The following CNTNAP5 variants were observed in gnomAD, a reference collection of about 807,000 sequenced individuals.
CNTNAP5 encodes the protein contactin-associated protein-like 5.
In CNTNAP5, 72 loss-of-function variants were observed where a neutral mutation model predicts 150.2. That is an observed-to-expected ratio of 0.48 (90% CI 0.40 to 0.58). The LOEUF is 0.58. Ranked by LOEUF, CNTNAP5 falls within the 20% of genes least tolerant of loss-of-function variation. The pLI is 0.00. For missense variants in CNTNAP5, 1,636 were observed against 1,626.2 expected (o/e 1.01, Z -0.10); for synonymous variants, 672 against 619.8 (o/e 1.08, Z -1.25).
At chr2:124,868,413 A>G (rs1262096210) in intron 20 of CNTNAP5, among the ~76,000 whole-genome samples, 2 of 152,118 alleles carry the variant, frequency 1.3e-5, no homozygotes, top group Non-Finnish European at 2.9e-5. Context: ...CCTTGGACTC[A>G]CTGCTTTGCC....
intron 3 of CNTNAP5, among the ~76,000 whole-genome samples, chr2:124,290,318 A>G (rs560726460): frequency 6.6e-6 from 1 of 152,288 alleles, no homozygotes; most frequent in African/African-American, 2.4e-5. Context: ...GATATAAGTT[A>G]TTACTACAAT....
intron 1 of CNTNAP5, among the ~76,000 whole-genome samples, chr2:124,178,580 G>A (rs10496635): frequency 0.14 from 20,816 of 152,188 alleles, 2,068 homozygotes; most frequent in East Asian, 0.38. Context: ...TAATGCTTTA[G>A]TCTGCTTTTG....
chr2:124,271,224 C>G (rs1404129904), intron 3 of CNTNAP5, among the ~76,000 whole-genome samples: 1 of 151,674 alleles, frequency 6.6e-6, no homozygotes, highest in African/African-American at 2.4e-5. Flanking sequence ...TTTAAATGCA[C>G]AGTCTTGAGA....
chr2:124,659,040 C>T (rs1678518375), intron 13 of CNTNAP5, among the ~76,000 whole-genome samples: 1 of 152,076 alleles, frequency 6.6e-6, no homozygotes, highest in African/African-American at 2.4e-5. Context: ...CGCCATGTGA[C>T]CTTAGATGAG....
At chr2:124,363,218 G>A (rs1488759631) in intron 3 of CNTNAP5, among the ~76,000 whole-genome samples, 11 of 152,028 alleles carry the variant, frequency 7.2e-5, no homozygotes, top group Non-Finnish European at 1.3e-4. Flanking sequence ...GTTACTTCTT[G>A]GACACTTCAT....
chr2:124,775,321 T>C (rs973656360), intron 17 of CNTNAP5, among the ~76,000 whole-genome samples: 2 of 152,218 alleles, frequency 1.3e-5, no homozygotes, highest in Non-Finnish European at 2.9e-5. Context: ...ACAATTGCAT[T>C]CTGTATTATT....
intron 1 of CNTNAP5, among the ~76,000 whole-genome samples, chr2:124,088,977 C>T (rs938255693): frequency 6.6e-5 from 10 of 152,106 alleles, no homozygotes; most frequent in Non-Finnish European, 1.5e-4. Context: ...TTGCTATTTC[C>T]CTGGCCAACT....
At chr2:124,333,919 A>C (rs558795966) in intron 3 of CNTNAP5, among the ~76,000 whole-genome samples, 1 of 152,346 alleles carries the variant, frequency 6.6e-6, no homozygotes, top group Admixed American at 6.5e-5. Context: ...GCTGCCAATT[A>C]TCTTTAAAAT....
intron 1 of CNTNAP5, among the ~76,000 whole-genome samples, chr2:124,197,152 C>T (rs1160193034): frequency 2.0e-5 from 3 of 152,116 alleles, no homozygotes; most frequent in East Asian, 1.9e-4. Flanking sequence ...ATCACAAATA[C>T]ATATCTATAT....
chr2:124,400,683 T>TG (rs1553464884), intron 3 of CNTNAP5, among the ~76,000 whole-genome samples: 2,794 of 124,698 alleles, frequency 0.022, 36 homozygotes, highest in Non-Finnish European at 0.035. Flanking sequence ...TTTTTTTTTT[T>TG]TTTTTGTTTT....
intron 3 of CNTNAP5, among the ~76,000 whole-genome samples, chr2:124,290,643 C>T (rs147364639): frequency 6.6e-6 from 1 of 152,104 alleles, no homozygotes; most frequent in Non-Finnish European, 1.5e-5. Context: ...GTTACTTGAC[C>T]TCTCTCTACT....
At chr2:124,031,232 G>T (rs1414523108) in intron 1 of CNTNAP5, among the ~76,000 whole-genome samples, 3 of 151,656 alleles carry the variant, frequency 2.0e-5, no homozygotes, top group South Asian at 2.1e-4. Flanking sequence ...AACAATCCTT[G>T]TCTCCTCAAC....
intron 3 of CNTNAP5, among the ~76,000 whole-genome samples, chr2:124,323,202 G>T (rs1299938961): frequency 1.3e-5 from 2 of 152,122 alleles, no homozygotes; most frequent in Non-Finnish European, 2.9e-5. Context: ...CTTTCCCAGA[G>T]GAGGAATTTG....
chr2:124,731,043 C>T (rs574245201), intron 13 of CNTNAP5, among the ~76,000 whole-genome samples: 11 of 152,178 alleles, frequency 7.2e-5, no homozygotes, highest in Admixed American at 6.6e-4. Flanking sequence ...ATGTTGCTGC[C>T]TCGTGCCGTT....
At chr2:124,420,555 A>G (rs1188185340) in intron 4 of CNTNAP5, among the ~76,000 whole-genome samples, 1 of 152,196 alleles carries the variant, frequency 6.6e-6, no homozygotes. Context: ...CTGTTACCCA[A>G]CCAAACACTA....
rs566342697 is a variant in CNTNAP5, at chr2:124,588,196, C to A, written c.1757-21605C>A. On this transcript the variant is annotated intron_variant, in intron 11 of 23. Coordinates refer to ENST00000682447, the MANE Select transcript of CNTNAP5 (RefSeq NM_001367498.1). ...TCCTTCCTTCTTTCTTTCTTTCTTT[C>A]TTTCTTTCTTTCTTTCTTTCTTTCT... is the stretch of plus-strand genomic sequence containing the variant. 1.3e-4 allele frequency among the ~76,000 whole-genome samples: 15 copies of A among 114,312 alleles called. 1 individual carries two copies. The highest frequency in any genetic ancestry group is 2.9e-4 in the South Asian group (1 of 3,504). The allele number at this position is 114,312 out of a possible 152,430, so 75.0% of individuals were successfully genotyped here.
At chr2:124,252,263 T>C (rs970242019) in intron 3 of CNTNAP5, among the ~76,000 whole-genome samples, 8 of 152,160 alleles carry the variant, frequency 5.3e-5, no homozygotes, top group Non-Finnish European at 8.8e-5. Context: ...AACCCCTTAA[T>C]AGGCACGTAA....
At chr2:124,267,401 AGTAAATATTCC>A (rs2104608566) in intron 3 of CNTNAP5, among the ~76,000 whole-genome samples, 1 of 152,326 alleles carries the variant, frequency 6.6e-6, no homozygotes, top group African/African-American at 2.4e-5. Context: ...CAAGAAATCC[AGTAAATATTCC>A]CCTGTGACCA....
intron 7 of CNTNAP5, among the ~76,000 whole-genome samples, chr2:124,499,160 C>T (rs991704474): frequency 6.6e-6 from 1 of 151,544 alleles, no homozygotes; most frequent in Non-Finnish European, 1.5e-5. Context: ...GTTTTTTTTT[C>T]CCTAAATATT....
Sources: allele counts gnomAD v4.1 joint callset (sites outside exome capture counted in the v4.1 genomes callset), GRCh38; gene constraint gnomAD v4.1.1; transcripts MANE v1.5; gene names NCBI Gene and HGNC (gene_info 2026-07-23, HGNC 2026-07-21).